The following DCC variants were observed in gnomAD, a reference collection of about 807,000 sequenced individuals.
DCC encodes netrin receptor DCC.
A neutral mutation model predicts 172.5 loss-of-function variants in DCC; 58 were observed. The observed-to-expected ratio is 0.34, with a 90% confidence interval of 0.27 to 0.42. The LOEUF is 0.42. Ranked by LOEUF, DCC falls within the 10% of genes least tolerant of loss-of-function variation. DCC has a pLI of 1.00. For missense variants in DCC, 1,740 were observed against 1,791.0 expected, an observed-to-expected ratio of 0.97 and a Z score of 0.51; for synonymous variants, 709 against 644.5, an observed-to-expected ratio of 1.10 and a Z score of -1.52.
intron 2 of DCC, among the ~76,000 whole-genome samples, chr18:52,777,152 C>G (rs1174640013): frequency 2.0e-5 from 3 of 152,130 alleles, no homozygotes; most frequent in African/African-American, 7.2e-5. Context: ...CACACATCTG[C>G]CTCGCTAGTC....
intron 1 of DCC, among the ~76,000 whole-genome samples, chr18:52,647,933 T>C (rs1440106758): frequency 1.3e-5 from 2 of 152,032 alleles, no homozygotes; most frequent in African/African-American, 2.4e-5. Flanking sequence ...AAAACTGGAA[T>C]AAATGTTAGA....
intron 7 of DCC, among the ~76,000 whole-genome samples, chr18:53,097,497 T>C (rs919809702): frequency 6.6e-6 from 1 of 152,190 alleles, no homozygotes; most frequent in African/African-American, 2.4e-5. Context: ...TTAAACTTGA[T>C]TGGGGAAGAT....
At chr18:52,668,475 A>G (rs2035494558) in intron 1 of DCC, among the ~76,000 whole-genome samples, 1 of 152,212 alleles carries the variant, frequency 6.6e-6, no homozygotes, top group Non-Finnish European at 1.5e-5. Context: ...AAGTGCTGTT[A>G]GTTCACAAGA....
At chr18:53,059,305 A>G (rs553128156) in intron 5 of DCC, among the ~76,000 whole-genome samples, 3 of 152,288 alleles carry the variant, frequency 2.0e-5, no homozygotes, top group South Asian at 4.1e-4. Flanking sequence ...TATATATTAT[A>G]GAGTGAAACA....
At chr18:52,543,012 A>T (rs530034247) in intron 1 of DCC, among the ~76,000 whole-genome samples, 1 of 152,342 alleles carries the variant, frequency 6.6e-6, no homozygotes. Flanking sequence ...AGAGGTTAAG[A>T]TGAGAGCTTT....
At chr18:53,222,733 G>T (rs1466123797) in intron 12 of DCC, among the ~76,000 whole-genome samples, 1 of 152,018 alleles carries the variant, frequency 6.6e-6, no homozygotes, top group Non-Finnish European at 1.5e-5. Context: ...AAAAAATTGT[G>T]AGAAATATGT....
Position 53,144,954 on chromosome 18 carries a change from T to C in DCC, c.1262-12402T>C, listed in dbSNP as rs1402086697. ...TATTGCTTTTATCCCCTAATTCTCA[T>C]CTTTTTCTGTATTATGCTATCTTTA... On this transcript the variant is annotated intron_variant, in intron 7 of 28. Coordinates refer to ENST00000442544, the MANE Select transcript of DCC (RefSeq NM_005215.4). Among the ~76,000 whole-genome samples, 3 of 152,040 alleles carry C rather than the reference T, an allele frequency of 2.0e-5. No individual in the cohort carries two copies. In the East Asian group the frequency reaches 5.8e-4, roughly 29 times the overall value.
chr18:52,378,359 A>C (rs1313654943), intron 1 of DCC, among the ~76,000 whole-genome samples: 1 of 152,086 alleles, frequency 6.6e-6, no homozygotes, highest in Non-Finnish European at 1.5e-5. Flanking sequence ...GGAAAATGAC[A>C]TAATGTCATA....
intron 1 of DCC, among the ~76,000 whole-genome samples, chr18:52,598,593 G>C (rs1568248358): frequency 6.6e-6 from 1 of 152,164 alleles, no homozygotes; most frequent in African/African-American, 2.4e-5. Context: ...CCAGCTGCAG[G>C]CCTCTTGTGC....
chr18:52,388,531 T>C (rs1985907588), intron 1 of DCC, among the ~76,000 whole-genome samples: 1 of 152,024 alleles, frequency 6.6e-6, no homozygotes. Flanking sequence ...CACGGAAATC[T>C]ATACTGTATT....
intron 15 of DCC, among the ~76,000 whole-genome samples, chr18:53,355,061 G>A (rs1053888938): frequency 6.6e-6 from 1 of 151,906 alleles, no homozygotes; most frequent in African/African-American, 2.4e-5. Context: ...TTTTTGTCAG[G>A]TTTGTCTAAG....
intron 1 of DCC, among the ~76,000 whole-genome samples, chr18:52,577,700 A>C (rs564314256): frequency 1.3e-5 from 2 of 152,324 alleles, no homozygotes; most frequent in South Asian, 4.1e-4. Context: ...CTCTAAGGAA[A>C]GAAAAATGCA....
chr18:52,783,361 T>TTTTAA (rs2037591293), intron 2 of DCC, among the ~76,000 whole-genome samples: 1 of 107,902 alleles, frequency 9.3e-6, no homozygotes, highest in African/African-American at 3.6e-5. Context: ...TTTTTTTTTT[T>TTTTAA]ACAACACAAA....
At chr18:53,128,870 C>CACATAT (rs1300738812) in intron 7 of DCC, among the ~76,000 whole-genome samples, 48 of 77,448 alleles carry the variant, frequency 6.2e-4, no homozygotes, top group East Asian at 8.0e-4. Context: ...CACACACACA[C>CACATAT]ATATATATAT....
At chr18:53,049,082 G>A (rs1435223848) in intron 5 of DCC, among the ~76,000 whole-genome samples, 1 of 151,670 alleles carries the variant, frequency 6.6e-6, no homozygotes, top group Admixed American at 6.6e-5. Context: ...TGGATATTAT[G>A]CCTTTGTCAG....
intron 7 of DCC, among the ~76,000 whole-genome samples, chr18:53,129,365 T>C (rs988005361): frequency 5.9e-5 from 9 of 152,246 alleles, no homozygotes; most frequent in Non-Finnish European, 1.2e-4. Context: ...ATCTCAAGTG[T>C]TGAGTTCACT....
intron 7 of DCC, among the ~76,000 whole-genome samples, chr18:53,080,098 G>C (rs2042778762): frequency 6.6e-6 from 1 of 152,090 alleles, no homozygotes; most frequent in Non-Finnish European, 1.5e-5. Context: ...TTGGAAAGCT[G>C]TATCATCAGT....
At chr18:52,729,151 T>C (rs1883651959) in intron 1 of DCC, among the ~76,000 whole-genome samples, 1 of 152,162 alleles carries the variant, frequency 6.6e-6, no homozygotes, top group African/African-American at 2.4e-5. Context: ...CTGAATTTAG[T>C]ATTCTGTTTT....
chr18:52,379,087 C>G (rs936725409), intron 1 of DCC, among the ~76,000 whole-genome samples: 1 of 152,098 alleles, frequency 6.6e-6, no homozygotes, highest in Non-Finnish European at 1.5e-5. Flanking sequence ...TCAAATATTG[C>G]GTAGCAAACC....
Sources: allele counts gnomAD v4.1 joint callset (sites outside exome capture counted in the v4.1 genomes callset), GRCh38; gene constraint gnomAD v4.1.1; transcripts MANE v1.5; gene names NCBI Gene and HGNC (gene_info 2026-07-23, HGNC 2026-07-21).